MYO3B: variants seen among roughly 807,000 people sequenced by gnomAD.
The protein encoded by MYO3B is myosin IIIB, also known as myosin-IIIb.
MYO3B carries 156 observed loss-of-function variants against 174.6 expected under a neutral mutation model. That is an observed-to-expected ratio of 0.89 (90% CI 0.78 to 1.02). The LOEUF (loss-of-function observed/expected upper bound fraction) is 1.02. MYO3B is among the 50% of genes least tolerant of loss of function. MYO3B has a pLI of 0.00. For synonymous variants in MYO3B, 563 were observed against 569.1 expected (o/e 0.99, Z 0.15); for missense variants, 1,632 against 1,639.4 (o/e 1.00, Z 0.08).
chr2:170,227,906 C>G (rs2105398223), intron 6 of MYO3B, among the ~76,000 whole-genome samples: 1 of 152,276 alleles, frequency 6.6e-6, no homozygotes, highest in Non-Finnish European at 1.5e-5. Flanking sequence ...CTTTCTGAAT[C>G]TGTTTCCTGA....
intron 22 of MYO3B, among the ~76,000 whole-genome samples, chr2:170,431,325 CAG>C (rs2094707233): frequency 1.3e-5 from 2 of 152,310 alleles, no homozygotes; most frequent in South Asian, 4.1e-4. Context: ...ATGCAGAAAA[CAG>C]AGCAACTCCA....
intron 7 of MYO3B, among the ~76,000 whole-genome samples, chr2:170,326,841 G>T (rs1334237773): frequency 6.6e-6 from 1 of 152,152 alleles, no homozygotes; most frequent in Non-Finnish European, 1.5e-5. Flanking sequence ...CACAGGCCTG[G>T]GGTAATAATA....
chr2:170,352,529 T>G lies in MYO3B; in HGVS notation c.816-16693T>G, dbSNP rs138815217. ...GCTTTTGAATTATCAGGCAGTCAGT[T>G]TTTCCCAAGATTTCCAGTACATAAG... On this transcript the variant is annotated intron_variant, in intron 8 of 34. Transcript: ENST00000408978. Among the ~76,000 whole-genome samples, 285 of 152,284 alleles carry G rather than the reference T, an allele frequency of 1.9e-3. 2 individuals are homozygous for G. Among genetic ancestry groups the G allele is most frequent in the African/African-American group, 6.6e-3 (275 of 41,556 alleles).
At chr2:170,426,079 AT>A (rs34098665) in intron 22 of MYO3B, among the ~76,000 whole-genome samples, 55 of 148,116 alleles carry the variant, frequency 3.7e-4, no homozygotes, top group African/African-American at 1.1e-3. Context: ...TTAATCTCTG[AT>A]TTTTTTTTTT....
chr2:170,589,292 C>T (rs565905475), intron 32 of MYO3B, among the ~76,000 whole-genome samples: 51 of 152,190 alleles, frequency 3.4e-4, no homozygotes, highest in African/African-American at 1.0e-3. Flanking sequence ...AAAAAAGAAA[C>T]GAACCAAGTA....
intron 22 of MYO3B, among the ~76,000 whole-genome samples, chr2:170,422,859 G>A (rs990469506): frequency 6.6e-6 from 1 of 151,552 alleles, no homozygotes; most frequent in Non-Finnish European, 1.5e-5. Context: ...TATTCAACAT[G>A]TAACCAATAT....
At position 170,472,213 on chromosome 2, in the gene MYO3B, C is replaced by T. The variant is rs541887250; in HGVS notation, c.3014+5502C>T. ...AATTCCTATCTGAGCATATTGTTTC[C>T]TTGATTAAAATGACCATCCAGGCCC... On this transcript the variant is annotated intron_variant, in intron 25 of 34. Coordinates refer to ENST00000408978, the MANE Select transcript of MYO3B (RefSeq NM_138995.5). Among the ~76,000 whole-genome samples, 2 of 152,216 alleles carry T rather than the reference C, an allele frequency of 1.3e-5. 1 individual carries two copies. Among genetic ancestry groups the T allele is most frequent in the African/African-American group, 4.8e-5 (2 of 41,528 alleles).
At chr2:170,263,525 G>A (rs2093360760) in intron 7 of MYO3B, among the ~76,000 whole-genome samples, 3 of 152,308 alleles carry the variant, frequency 2.0e-5, no homozygotes. Flanking sequence ...ATAGTGGGGA[G>A]AGGGTCAGCA....
At chr2:170,239,146 T>C (rs1453546252) in intron 7 of MYO3B, among the ~76,000 whole-genome samples, 1 of 152,256 alleles carries the variant, frequency 6.6e-6, no homozygotes, top group Non-Finnish European at 1.5e-5. Context: ...AATGAGTGAA[T>C]ATCATTTCTC....
At chr2:170,521,469 A>G (rs1688662944) in intron 30 of MYO3B, among the ~76,000 whole-genome samples, 1 of 152,164 alleles carries the variant, frequency 6.6e-6, no homozygotes, top group Admixed American at 6.5e-5. Flanking sequence ...CTCAATCTCA[A>G]CTGAGGTCTG....
chr2:170,262,106 T>C (rs1302078906), intron 7 of MYO3B, among the ~76,000 whole-genome samples: 1 of 152,104 alleles, frequency 6.6e-6, no homozygotes, highest in African/African-American at 2.4e-5. Flanking sequence ...TCTGGAAATG[T>C]AAAGGGGAAA....
At chr2:170,383,257 G>A in intron 11 of MYO3B, 68 bp downstream of exon 11, 3 of 940,342 alleles carry the variant, frequency 3.2e-6, no homozygotes, top group Admixed American at 2.0e-5. Flanking sequence ...CAAATGAAGA[G>A]AAAGAAAAAG....
At position 170,434,618 on chromosome 2, in the gene MYO3B, G is replaced by A. The variant is rs142275413; in HGVS notation, c.2651-9349G>A. On this transcript the variant is annotated intron_variant, in intron 22 of 34. Transcript: ENST00000408978. ...GGTAGCAGGTAATTGGAATGAGTTA[G>A]GGTGGAGCAGGTGATCAGAATGAGT... Among the ~76,000 whole-genome samples, 815 of 152,272 alleles carry A rather than the reference G, an allele frequency of 5.4e-3. 8 individuals carry two copies. Among genetic ancestry groups the A allele is most frequent in the African/African-American group, 0.018 (760 of 41,540 alleles).
chr2:170,240,932 A>G (rs1165331731), intron 7 of MYO3B, among the ~76,000 whole-genome samples: 1 of 152,226 alleles, frequency 6.6e-6, no homozygotes, highest in Non-Finnish European at 1.5e-5. Flanking sequence ...GCAAGTTTTT[A>G]AACTAAAGAA....
At chr2:170,355,190 C>T (rs1004754900) in intron 8 of MYO3B, among the ~76,000 whole-genome samples, 7 of 152,172 alleles carry the variant, frequency 4.6e-5, no homozygotes, top group African/African-American at 1.7e-4. Context: ...GGAACATGAA[C>T]CAAGACAGCC....
At chr2:170,236,258 A>ATT in intron 7 of MYO3B, 122 bp downstream of exon 7, 1 of 1,071,582 alleles carries the variant, frequency 9.3e-7, no homozygotes, top group Non-Finnish European at 1.3e-6. Context: ...TGTGAAATAT[A>ATT]TTTTCTTTGA....
chr2:170,469,058 C>T (rs1255558382), intron 25 of MYO3B, among the ~76,000 whole-genome samples: 3 of 152,082 alleles, frequency 2.0e-5, no homozygotes, highest in Non-Finnish European at 4.4e-5. Flanking sequence ...ATCGCTTGAA[C>T]CCAGGAGGCG....
chr2:170,247,868 T>C (rs1036107330), intron 7 of MYO3B, among the ~76,000 whole-genome samples: 1 of 152,212 alleles, frequency 6.6e-6, no homozygotes, highest in Non-Finnish European at 1.5e-5. Flanking sequence ...TTTCAACCTA[T>C]GAATTTTGAG....
intron 25 of MYO3B, among the ~76,000 whole-genome samples, chr2:170,469,932 G>A (rs915737208): frequency 2.0e-5 from 3 of 151,386 alleles, no homozygotes; most frequent in Non-Finnish European, 4.4e-5. Context: ...GAGAAACCTC[G>A]TCTCTACTAA....
Sources: gnomAD v4.1 joint callset for allele counts (sites outside exome capture counted in the v4.1 genomes callset) on GRCh38, gnomAD v4.1.1 for gene constraint, MANE v1.5 for transcripts, NCBI Gene and HGNC (gene_info 2026-07-23, HGNC 2026-07-21) for gene names.